The following TSPAN7 variants were observed in gnomAD, a reference collection of about 807,000 sequenced individuals.
TSPAN7 encodes the protein tetraspanin-7.
A neutral mutation model predicts 17.6 loss-of-function variants in TSPAN7; 1 was observed. The observed-to-expected ratio is 0.06, with a 90% CI of 0.02 to 0.27. The LOEUF (loss-of-function observed/expected upper bound fraction) is 0.27. TSPAN7 is among the 10% of genes least tolerant of loss of function. The pLI, the probability that TSPAN7 is intolerant of heterozygous loss-of-function variation, is 1.00. For missense variants in TSPAN7, 112 were observed against 201.7 expected (o/e 0.56, Z 2.69); for synonymous variants, 78 against 79.0 (o/e 0.99, Z 0.07).
chrX:38,654,364 T>C lies in TSPAN7; in HGVS notation c.82-11757T>C, dbSNP rs755892294. On this transcript the variant is annotated intron_variant, in intron 1 of 7. Coordinates refer to ENST00000378482, the MANE Select transcript of TSPAN7 (RefSeq NM_004615.4). ...ATCAGCTACAGACCTCATAGAGTTA[T>C]AGGATATTAGAGCTTCAAATTACTT... Among the ~76,000 whole-genome samples the C allele has an allele frequency of 3.6e-5, 4 of 112,476 alleles. No individual in the cohort carries two copies. In the South Asian group the frequency reaches 1.5e-3, roughly 42 times the overall value.
intron 1 of TSPAN7, among the ~76,000 whole-genome samples, chrX:38,616,036 G>A (rs978264787): frequency 8.9e-6 from 1 of 111,960 alleles, no homozygotes; most frequent in East Asian, 2.8e-4. Flanking sequence ...CATTAAATGG[G>A]GATAATTTGC....
At chrX:38,648,514 A>G (rs2069657587) in intron 1 of TSPAN7, among the ~76,000 whole-genome samples, 1 of 112,402 alleles carries the variant, frequency 8.9e-6, no homozygotes, top group African/African-American at 3.2e-5. Context: ...CCATGGCACA[A>G]TTATGGCTCA....
chrX:38,681,213 G>A lies in TSPAN7; in HGVS notation c.607G>A (p.Asp203Asn). The change falls in exon 6 of 8, where the codon GAT becomes AAT. Residue 203 changes from aspartate to asparagine, a missense_variant. By Grantham distance (23) the Asp-to-Asn change is conservative. Transcript: ENST00000378482. ...ATKVNQKGCY[D>N]LVTSFMETNM... ...GTCTTTCTCTTTCCAGGGTTGTTATGATCTGGTAACTAGTTTCATGGAGAC... is the reference window on the plus strand; with the variant it reads ...GTCTTTCTCTTTCCAGGGTTGTTATAATCTGGTAACTAGTTTCATGGAGAC... 8.3e-7 allele frequency: 1 copy of A among 1,209,378 alleles called. No individual in the cohort carries two copies. Among genetic ancestry groups the A allele is most frequent in the Non-Finnish European group, 1.1e-6 (1 of 893,397 alleles).
intron 1 of TSPAN7, among the ~76,000 whole-genome samples, chrX:38,578,825 A>G (rs954443572): frequency 8.9e-6 from 1 of 111,846 alleles, no homozygotes; most frequent in African/African-American, 3.3e-5. Context: ...TACAAATTAC[A>G]TATATAAGCA....
At chrX:38,651,333 C>T (rs1001163137) in intron 1 of TSPAN7, among the ~76,000 whole-genome samples, 2 of 110,281 alleles carry the variant, frequency 1.8e-5, no homozygotes, top group Non-Finnish European at 1.9e-5. Context: ...GGCGTGGTGG[C>T]GGGCGCCTAT....
chrX:38,629,101 T>G (rs887880884), intron 1 of TSPAN7, among the ~76,000 whole-genome samples: 19 of 112,589 alleles, frequency 1.7e-4, no homozygotes, highest in African/African-American at 5.5e-4. Context: ...TAAAAAGAAA[T>G]AAGTAATATG....
rs750591534 is a variant in TSPAN7 at position 38,675,446 on chromosome X, CAG to C, written c.442-257_442-256del. Among the ~76,000 whole-genome samples the C allele has an allele frequency of 8.9e-5, 10 of 112,189 alleles. No homozygotes were observed. In the East Asian group the frequency reaches 2.8e-3, roughly 31 times the overall value. On this transcript the variant is annotated intron_variant, in intron 4 of 7. Coordinates refer to ENST00000378482, the MANE Select transcript of TSPAN7 (RefSeq NM_004615.4). ...TCAATAGGTGATTGTGAGTTGGACA[CAG>C]ACGCACTGCTTTGCTTTGTGGAGGT... is the stretch of plus-strand genomic sequence containing the variant.
In TSPAN7 at chrX:38,624,922, G is replaced by C. The variant is rs1296214578; in HGVS notation, c.82-41199G>C. 9.8e-5 allele frequency among the ~76,000 whole-genome samples: 11 copies of C among 112,603 alleles called. No individual in the cohort carries two copies. The Admixed American group carries it at 1.0e-3, about 11-fold the overall frequency. ...TTTTTAATATACAACTAAGGTTTGA[G>C]AGTTTCTACAATGAAGTCTTGAAAG... On this transcript the variant is annotated intron_variant, in intron 1 of 7. Transcript: ENST00000378482.
At chrX:38,637,480 TG>T (rs2069587331) in intron 1 of TSPAN7, among the ~76,000 whole-genome samples, 1 of 112,386 alleles carries the variant, frequency 8.9e-6, no homozygotes. Flanking sequence ...CCAGATCCCT[TG>T]GGTGGCCCAG....
chrX:38,674,459 C>A, intron 4 of TSPAN7, 143 bp downstream of exon 4: 2 of 547,449 alleles, frequency 3.7e-6, no homozygotes, highest in Non-Finnish European at 6.3e-6. Context: ...GAGTTGACAC[C>A]CAGTCCTTGT....
chrX:38,605,504 C>T (rs1411125189), intron 1 of TSPAN7, among the ~76,000 whole-genome samples: 4 of 108,812 alleles, frequency 3.7e-5, no homozygotes, highest in African/African-American at 6.7e-5. Flanking sequence ...TTTATAGATT[C>T]AATGCCATCC....
chrX:38,663,396 G>A lies in TSPAN7; in HGVS notation c.82-2725G>A, dbSNP rs749149537. Among the ~76,000 whole-genome samples, 250 of 111,950 alleles carry A rather than the reference G, an allele frequency of 2.2e-3. 1 individual carries two copies. Among genetic ancestry groups the A allele is most frequent in the Non-Finnish European group, 3.9e-3 (209 of 53,170 alleles). On this transcript the variant is annotated intron_variant, in intron 1 of 7. Transcript: ENST00000378482. Reference sequence around the variant, plus strand: ...AATGATACAATGCACTTTGGGGACTGGGGAGAAAGGATGGGAGCAGGATGA... The same window carrying A: ...AATGATACAATGCACTTTGGGGACTAGGGAGAAAGGATGGGAGCAGGATGA...
At chrX:38,642,043 G>A (rs1490330321) in intron 1 of TSPAN7, among the ~76,000 whole-genome samples, 3 of 111,871 alleles carry the variant, frequency 2.7e-5, no homozygotes, top group Admixed American at 1.9e-4. Flanking sequence ...TGTTTCTCCT[G>A]AAAGCCATTA....
chrX:38,562,918 C>T, intron 1 of TSPAN7: 1 of 860,683 alleles, frequency 1.2e-6, no homozygotes, highest in Non-Finnish European at 1.5e-6. Flanking sequence ...TCTTCTTGCA[C>T]CCCTCACCCC....
chrX:38,684,100 G>A (rs766108848), intron 6 of TSPAN7, among the ~76,000 whole-genome samples: 1 of 111,851 alleles, frequency 8.9e-6, no homozygotes, highest in Non-Finnish European at 1.9e-5. Flanking sequence ...TGTGACCTCC[G>A]TGCTATCATC....
At chrX:38,604,337 G>C (rs1481216163) in intron 1 of TSPAN7, among the ~76,000 whole-genome samples, 2 of 107,701 alleles carry the variant, frequency 1.9e-5, no homozygotes, top group African/African-American at 6.8e-5. Flanking sequence ...AAACATACGT[G>C]TGCATGTGTC....
chrX:38,650,543 T>G (rs2069670412), intron 1 of TSPAN7, among the ~76,000 whole-genome samples: 1 of 111,878 alleles, frequency 8.9e-6, no homozygotes, highest in South Asian at 3.8e-4. Flanking sequence ...TGGCCATAAC[T>G]TGTGTGGAGC....
intron 6 of TSPAN7, among the ~76,000 whole-genome samples, chrX:38,686,548 G>A (rs937310222): frequency 3.6e-5 from 4 of 111,959 alleles, no homozygotes; most frequent in South Asian, 3.7e-4. Flanking sequence ...CCAGGCGATC[G>A]TGATGCTCTT....
intron 1 of TSPAN7, among the ~76,000 whole-genome samples, chrX:38,629,573 A>C (rs764704904): frequency 8.9e-6 from 1 of 111,788 alleles, no homozygotes; most frequent in South Asian, 3.8e-4. Flanking sequence ...ACACGATAAA[A>C]GACTCACCAC....
Sources: gnomAD v4.1 joint callset for allele counts (sites outside exome capture counted in the v4.1 genomes callset) on GRCh38, gnomAD v4.1.1 for gene constraint, MANE v1.5 for transcripts, NCBI Gene and HGNC (gene_info 2026-07-23, HGNC 2026-07-21) for gene names.